GPBP1: variants seen among roughly 807,000 people sequenced by gnomAD.
GPBP1 encodes the protein vasculin.
Under a neutral mutation model 56.5 loss-of-function variants are expected in GPBP1, and 13 were observed. The observed-to-expected ratio is 0.23, with a 90% CI of 0.15 to 0.37. The LOEUF is 0.37. GPBP1 is among the 10% of genes least tolerant of loss of function. The probability of loss-of-function intolerance (pLI) is 1.00; values close to 1 mark genes in which losing one functional copy is unlikely to be tolerated. For missense variants in GPBP1, 477 were observed against 572.3 expected (o/e 0.83, Z 1.70); for synonymous variants, 204 against 188.9 (o/e 1.08, Z -0.66).
chr5:57,191,096 TTTC>T (rs1466724784), intron 2 of GPBP1, among the ~76,000 whole-genome samples: 10 of 151,204 alleles, frequency 6.6e-5, no homozygotes, highest in Non-Finnish European at 1.5e-4. Context: ...GTTTTTTTCT[TTTC>T]TTTTTTTTTT....
chr5:57,255,477 A>AT (rs1741616447), intron 10 of GPBP1, among the ~76,000 whole-genome samples: 1 of 152,246 alleles, frequency 6.6e-6, no homozygotes, highest in African/African-American at 2.4e-5. Context: ...CTAGTCACAC[A>AT]ATTGGTAGAA....
At chr5:57,260,705 C>G (rs1305117295) in intron 10 of GPBP1, among the ~76,000 whole-genome samples, 1 of 151,928 alleles carries the variant, frequency 6.6e-6, no homozygotes, top group Non-Finnish European at 1.5e-5. Context: ...AAAAACAAAC[C>G]CTTTCATATC....
At chr5:57,209,973 G>A (rs952272286) in intron 2 of GPBP1, among the ~76,000 whole-genome samples, 1 of 152,004 alleles carries the variant, frequency 6.6e-6, no homozygotes, top group African/African-American at 2.4e-5. Flanking sequence ...GTTTTTGATG[G>A]TCTTTGTGAT....
At chr5:57,234,530 G>A (rs769435071) in intron 5 of GPBP1, among the ~76,000 whole-genome samples, 6 of 152,268 alleles carry the variant, frequency 3.9e-5, no homozygotes, top group Non-Finnish European at 5.9e-5. Context: ...GTGAAGCCAC[G>A]AATTTGAGAC....
chr5:57,195,784 C>A (rs1339178021), intron 2 of GPBP1, among the ~76,000 whole-genome samples: 2 of 151,812 alleles, frequency 1.3e-5, no homozygotes, highest in Non-Finnish European at 2.9e-5. Context: ...AGGCGGATCA[C>A]CTGAGGTCAG....
At chr5:57,237,139 C>T in intron 6 of GPBP1, 2 of 1,549,792 alleles carry the variant, frequency 1.3e-6, no homozygotes, top group Non-Finnish European at 1.7e-6. Context: ...ACACACATAC[C>T]CAACCAAAAA....
intron 3 of GPBP1, among the ~76,000 whole-genome samples, chr5:57,218,884 A>G (rs762393527): frequency 1.3e-5 from 2 of 152,228 alleles, no homozygotes; most frequent in Non-Finnish European, 2.9e-5. Context: ...CCTATAGAAT[A>G]TAATTTTAGG....
At chr5:57,238,881 T>C (rs1419885510) in intron 6 of GPBP1, among the ~76,000 whole-genome samples, 1 of 152,242 alleles carries the variant, frequency 6.6e-6, no homozygotes, top group Non-Finnish European at 1.5e-5. Context: ...TTGAGCATTC[T>C]GAATCAAAGC....
intron 2 of GPBP1, among the ~76,000 whole-genome samples, chr5:57,199,208 A>G (rs1019957308): frequency 6.6e-6 from 1 of 152,234 alleles, no homozygotes; most frequent in African/African-American, 2.4e-5. Context: ...CCTGTGAAGT[A>G]AAACTAGCGA....
At chr5:57,189,073 A>G (rs1458906291) in intron 2 of GPBP1, among the ~76,000 whole-genome samples, 1 of 151,596 alleles carries the variant, frequency 6.6e-6, no homozygotes, top group East Asian at 1.9e-4. Context: ...GCTCACTGCA[A>G]CCTCTGCCTC....
chr5:57,234,708 G>C (rs1189048564), intron 5 of GPBP1, among the ~76,000 whole-genome samples: 1 of 152,206 alleles, frequency 6.6e-6, no homozygotes, highest in Non-Finnish European at 1.5e-5. Context: ...GTGTGAGATG[G>C]ATTTGATGTG....
chr5:57,219,097 C>T lies in GPBP1; in HGVS notation c.63+4904C>T, dbSNP rs529833744. On this transcript the variant is annotated intron_variant, in intron 3 of 11. Transcript: ENST00000506184. ...AGACTGTAAAAAAGGGATTTGAGGC[C>T]GGGCGTGGTGACTCACGTCTGTAAT... Among the ~76,000 whole-genome samples, 11 of 151,960 alleles carry T rather than the reference C, an allele frequency of 7.2e-5. No homozygotes were observed. The South Asian group carries it at 2.1e-3, about 29-fold the overall frequency.
At chr5:57,224,067 T>A (rs1756071039) in intron 3 of GPBP1, among the ~76,000 whole-genome samples, 1 of 151,612 alleles carries the variant, frequency 6.6e-6, no homozygotes, top group Non-Finnish European at 1.5e-5. Context: ...TCTCCTGACC[T>A]CATGATCCGC....
intron 3 of GPBP1, among the ~76,000 whole-genome samples, chr5:57,215,670 T>C (rs1175861959): frequency 4.6e-5 from 7 of 152,246 alleles, no homozygotes; most frequent in African/African-American, 9.6e-5. Flanking sequence ...GAGCTACTTA[T>C]TTTCTTACTA....
intron 2 of GPBP1, among the ~76,000 whole-genome samples, chr5:57,196,133 T>A (rs1402785476): frequency 1.3e-5 from 2 of 152,054 alleles, no homozygotes; most frequent in African/African-American, 2.4e-5. Context: ...TCTGCCTACC[T>A]ACTTTCAGTT....
At chr5:57,218,850 G>C (rs1755809044) in intron 3 of GPBP1, among the ~76,000 whole-genome samples, 1 of 152,114 alleles carries the variant, frequency 6.6e-6, no homozygotes, top group Non-Finnish European at 1.5e-5. Context: ...TGTTGAAAAA[G>C]ATACACTTAA....
chr5:57,239,077 A>AT (rs1179814695), intron 6 of GPBP1, among the ~76,000 whole-genome samples: 4 of 152,146 alleles, frequency 2.6e-5, no homozygotes, highest in Admixed American at 6.6e-5. Context: ...TCTTCGTTGG[A>AT]TTTTTTTGAC....
At chr5:57,231,026 A>G (rs1756434043) in intron 4 of GPBP1, 57 bp downstream of exon 4, 1 of 1,578,964 alleles carries the variant, frequency 6.3e-7, no homozygotes, top group Non-Finnish European at 8.6e-7. Context: ...TTTTTAAAGA[A>G]TGTTTTGATG....
intron 2 of GPBP1, among the ~76,000 whole-genome samples, chr5:57,204,004 C>T (rs60456792): frequency 0.018 from 2,719 of 152,168 alleles, 84 homozygotes; most frequent in African/African-American, 0.061. Context: ...TCTGATGACC[C>T]GTAACTCTTA....
Sources: gnomAD v4.1 joint callset for allele counts (sites outside exome capture counted in the v4.1 genomes callset) on GRCh38, gnomAD v4.1.1 for gene constraint, MANE v1.5 for transcripts, NCBI Gene and HGNC (gene_info 2026-07-23, HGNC 2026-07-21) for gene names.